VRK2: variants seen among roughly 807,000 people sequenced by gnomAD.
VRK2 encodes the protein serine/threonine-protein kinase VRK2.
Under a neutral mutation model 57.6 loss-of-function variants are expected in VRK2, and 60 were observed. The observed-to-expected ratio is 1.04, with a 90% CI of 0.85 to 1.29. VRK2 has a LOEUF of 1.29. Among genes scored for constraint, VRK2 ranks in the 50% most tolerant of loss-of-function variants. The probability of loss-of-function intolerance (pLI) is 0.00; values close to 1 mark genes in which losing one functional copy is unlikely to be tolerated. For missense variants in VRK2, 705 were observed against 588.1 expected (o/e 1.20, Z -2.06); for synonymous variants, 231 against 199.2 (o/e 1.16, Z -1.35).
chr2:58,127,311 C>T (rs954042305), intron 8 of VRK2, among the ~76,000 whole-genome samples: 9 of 152,006 alleles, frequency 5.9e-5, no homozygotes, highest in East Asian at 5.8e-4. Flanking sequence ...ACATGGTTTA[C>T]GCAATACTTA....
At chr2:58,147,606 G>C (rs1188750266) in intron 12 of VRK2, among the ~76,000 whole-genome samples, 1 of 151,734 alleles carries the variant, frequency 6.6e-6, no homozygotes, top group East Asian at 1.9e-4. Context: ...TGGCTGTGGT[G>C]GCAATGAGAT....
intron 7 of VRK2, among the ~76,000 whole-genome samples, chr2:58,111,451 C>T (rs1675553587): frequency 6.6e-6 from 1 of 152,106 alleles, no homozygotes; most frequent in African/African-American, 2.4e-5. Context: ...AAAGGACAAT[C>T]ATTTGAAATG....
chr2:58,119,478 A>C (rs1015497723), intron 7 of VRK2, among the ~76,000 whole-genome samples: 19 of 141,642 alleles, frequency 1.3e-4, no homozygotes, highest in African/African-American at 4.5e-4. Flanking sequence ...CTCCATCTCA[A>C]AAAAAAAAAA....
intron 11 of VRK2, among the ~76,000 whole-genome samples, chr2:58,145,921 C>T (rs1381219467): frequency 6.6e-6 from 1 of 151,992 alleles, no homozygotes; most frequent in Non-Finnish European, 1.5e-5. Flanking sequence ...TGGTTTCCAG[C>T]TTCATCCATG....
intron 1 of VRK2, among the ~76,000 whole-genome samples, chr2:57,941,481 T>C (rs1270739810): frequency 1.3e-5 from 2 of 152,208 alleles, no homozygotes; most frequent in African/African-American, 4.8e-5. Flanking sequence ...AAGAGGATAC[T>C]AAATCTGATG....
At chr2:57,985,508 C>A (rs1260656837) in intron 1 of VRK2, among the ~76,000 whole-genome samples, 1 of 152,012 alleles carries the variant, frequency 6.6e-6, no homozygotes, top group Non-Finnish European at 1.5e-5. Context: ...CCTTATCAAA[C>A]ATGTTTTAAT....
At chr2:57,951,198 T>C (rs1368254447) in intron 1 of VRK2, among the ~76,000 whole-genome samples, 7 of 152,192 alleles carry the variant, frequency 4.6e-5, no homozygotes, top group African/African-American at 7.2e-5. Flanking sequence ...TCCTCATTAA[T>C]GACTTTGAGG....
At chr2:58,054,516 A>C (rs1399695643) in intron 2 of VRK2, among the ~76,000 whole-genome samples, 1 of 152,076 alleles carries the variant, frequency 6.6e-6, no homozygotes, top group Non-Finnish European at 1.5e-5. Flanking sequence ...CTTATGAAAT[A>C]TGGATAGACT....
At chr2:57,933,842 G>A (rs1670819141) in intron 1 of VRK2, among the ~76,000 whole-genome samples, 1 of 151,974 alleles carries the variant, frequency 6.6e-6, no homozygotes, top group Non-Finnish European at 1.5e-5. Context: ...TTTGTGATTT[G>A]ATAATTTTCT....
intron 1 of VRK2, among the ~76,000 whole-genome samples, chr2:57,963,673 C>T (rs1055100637): frequency 2.0e-5 from 3 of 152,300 alleles, no homozygotes; most frequent in Admixed American, 6.5e-5. Context: ...CACACATTCA[C>T]GTATCAGTCC....
At chr2:57,963,899 A>C (rs1671833718) in intron 1 of VRK2, among the ~76,000 whole-genome samples, 1 of 152,236 alleles carries the variant, frequency 6.6e-6, no homozygotes, top group South Asian at 2.1e-4. Flanking sequence ...CTGTTTGTTT[A>C]ATGACATTCC....
chr2:57,947,393 T>C (rs145373591), intron 1 of VRK2, among the ~76,000 whole-genome samples: 1 of 152,298 alleles, frequency 6.6e-6, no homozygotes, highest in Non-Finnish European at 1.5e-5. Context: ...AATGTGTATA[T>C]AAAATCAATA....
At chr2:58,115,099 G>A (rs892635817) in intron 7 of VRK2, among the ~76,000 whole-genome samples, 6 of 152,160 alleles carry the variant, frequency 3.9e-5, no homozygotes, top group South Asian at 4.1e-4. Flanking sequence ...TCTGAGAGGC[G>A]GGCTAGTGGC....
At chr2:58,100,616 A>G (rs938024191) in intron 7 of VRK2, among the ~76,000 whole-genome samples, 1 of 135,058 alleles carries the variant, frequency 7.4e-6, no homozygotes, top group Admixed American at 6.9e-5. Flanking sequence ...TAAAATTAAT[A>G]TTTTATGAGT....
At chr2:57,917,507 G>T (rs987592329) in intron 1 of VRK2, among the ~76,000 whole-genome samples, 1 of 149,718 alleles carries the variant, frequency 6.7e-6, no homozygotes, top group Non-Finnish European at 1.5e-5. Context: ...GCAGTTTATT[G>T]TATATGTGTA....
chr2:57,944,628 C>T lies in VRK2; in HGVS notation c.-439+36789C>T, dbSNP rs1572891055. Among the ~76,000 whole-genome samples, 2 of 151,896 alleles carry T rather than the reference C, an allele frequency of 1.3e-5. 1 individual carries two copies. The highest frequency in any genetic ancestry group is 4.1e-4 in the South Asian group (2 of 4,824). ...GCGGGCGCCTGTAATCCCAGCTACT[C>T]TGGAGGCTGAGGCAGGAGAATGGCG... is the stretch of plus-strand genomic sequence containing the variant. On this transcript the variant is annotated intron_variant, in intron 1 of 15. Coordinates refer to the VRK2 transcript ENST00000417641.
intron 7 of VRK2, among the ~76,000 whole-genome samples, chr2:58,118,276 C>T (rs188136930): frequency 6.6e-6 from 1 of 152,316 alleles, no homozygotes; most frequent in African/African-American, 2.4e-5. Flanking sequence ...GGCAGGTGTC[C>T]CTGCGTGGTC....
chr2:57,918,653 T>C (rs1188684265), intron 1 of VRK2, among the ~76,000 whole-genome samples: 1 of 152,138 alleles, frequency 6.6e-6, no homozygotes, highest in Non-Finnish European at 1.5e-5. Context: ...AGTTCCTTTT[T>C]CAGATATTAT....
At chr2:58,114,289 G>T (rs2104431703) in intron 7 of VRK2, among the ~76,000 whole-genome samples, 1 of 152,012 alleles carries the variant, frequency 6.6e-6, no homozygotes, top group African/African-American at 2.4e-5. Flanking sequence ...TGGCAGTTTG[G>T]GGATAGCACC....
Sources: allele counts gnomAD v4.1 joint callset (sites outside exome capture counted in the v4.1 genomes callset), GRCh38; gene constraint gnomAD v4.1.1; transcripts MANE v1.5; gene names NCBI Gene and HGNC (gene_info 2026-07-23, HGNC 2026-07-21).